Variants in SDHB observed in about 807,000 individuals in gnomAD.
SDHB encodes the protein succinate dehydrogenase [ubiquinone] iron-sulfur subunit, mitochondrial.
SDHB carries 21 observed loss-of-function variants against 39.7 expected under a neutral mutation model. The observed-to-expected ratio is 0.53, with a 90% CI of 0.37 to 0.76. SDHB has a LOEUF of 0.76. Ranked by LOEUF, SDHB falls within the 30% of genes least tolerant of loss-of-function variation. SDHB has a pLI of 0.00. For synonymous variants in SDHB, 118 were observed against 117.0 expected (o/e 1.01, Z -0.06); for missense variants, 343 against 350.9 (o/e 0.98, Z 0.18).
At chr1:17,050,643 G>A (rs1412020936) in intron 1 of SDHB, among the ~76,000 whole-genome samples, 2 of 142,852 alleles carry the variant, frequency 1.4e-5, no homozygotes, top group African/African-American at 5.0e-5. Flanking sequence ...CAACGTGAGC[G>A]TGACTCTGTC....
intron 3 of SDHB, among the ~76,000 whole-genome samples, chr1:17,031,030 C>T (rs1423987728): frequency 6.6e-6 from 1 of 151,638 alleles, no homozygotes; most frequent in Admixed American, 6.6e-5. Context: ...CTCAAGCTAG[C>T]CTACCACCTA....
intron 2 of SDHB, among the ~76,000 whole-genome samples, chr1:17,044,274 T>A (rs2078096291): frequency 6.6e-6 from 1 of 152,212 alleles, no homozygotes. Flanking sequence ...TTGTCATACT[T>A]TCATTTGGGA....
chr1:17,042,954 GTTTTTTTTTTTTTT>G (rs143394198), intron 2 of SDHB, among the ~76,000 whole-genome samples: 2 of 62,892 alleles, frequency 3.2e-5, no homozygotes, highest in East Asian at 5.9e-4. Flanking sequence ...TGTTTTATGA[GTTTTTTTTTTTTTT>G]TTTTTTTTTT....
At chr1:17,051,066 A>T (rs983920688) in intron 1 of SDHB, among the ~76,000 whole-genome samples, 2 of 152,244 alleles carry the variant, frequency 1.3e-5, no homozygotes, top group Non-Finnish European at 2.9e-5. Context: ...GAAAACGCAA[A>T]CATAAAACGC....
At chr1:17,049,419 A>C (rs572746110) in intron 1 of SDHB, among the ~76,000 whole-genome samples, 89 of 150,742 alleles carry the variant, frequency 5.9e-4, no homozygotes, top group African/African-American at 1.6e-3. Context: ...TGTCTCAGCC[A>C]CCCGGGTAGC....
chr1:17,045,546 C>A (rs1570958603), intron 1 of SDHB, among the ~76,000 whole-genome samples: 1 of 152,092 alleles, frequency 6.6e-6, no homozygotes, highest in East Asian at 1.9e-4. Context: ...CTGCAGTGAG[C>A]CAAGATCATG....
In SDHB at chr1:17,018,904, T is replaced by C. The variant is rs1273897502; in HGVS notation, c.820A>G (p.Lys274Glu). The C allele has an allele frequency of 2.5e-6, 4 of 1,612,746 alleles. No homozygotes were observed. In the African/African-American group the frequency reaches 4.0e-5, roughly 16 times the overall value. Residue 274 changes from lysine to glutamate, a missense_variant, in exon 8 of 8, where the codon AAG (lysine) becomes GAG (glutamate). Physicochemically the swap from Lys to Glu is moderately conservative, Grantham distance 56 (BLOSUM62 1). Coordinates refer to ENST00000375499, the MANE Select transcript of SDHB (RefSeq NM_003000.3). Reference protein sequence around the residue: ...AEIKKMMATYKEKKASV With the variant: ...AEIKKMMATYEEKKASV The stretch of plus-strand genomic sequence containing the variant: ...AGTTAAACTGAAGCTTTCTTCTCCT[T>C]ATAGGTTGCCATCATTTTCTTGATC...
At chr1:17,025,479 A>C (rs1473204550) in intron 5 of SDHB, among the ~76,000 whole-genome samples, 1 of 150,090 alleles carries the variant, frequency 6.7e-6, no homozygotes, top group East Asian at 2.0e-4. Context: ...GCACAATCAC[A>C]GTTCACTGCA....
chr1:17,020,071 G>A (rs1028305666), intron 7 of SDHB, among the ~76,000 whole-genome samples: 3 of 152,234 alleles, frequency 2.0e-5, no homozygotes, highest in African/African-American at 7.2e-5. Context: ...TTTGTGTGCA[G>A]CATAAAACAC....
chr1:17,039,829 TATA>T (rs1489831548), intron 2 of SDHB, among the ~76,000 whole-genome samples: 1 of 152,174 alleles, frequency 6.6e-6, no homozygotes, highest in Non-Finnish European at 1.5e-5. Flanking sequence ...CAGAATATAA[TATA>T]ATAACTTTGC....
Position 17,018,842 on chromosome 1 carries a change from C to T in SDHB, c.*39G>A, listed in dbSNP as rs764987243. On this transcript the variant is annotated 3_prime_UTR_variant, in exon 8 of 8. Coordinates refer to ENST00000375499, the MANE Select transcript of SDHB (RefSeq NM_003000.3). ...CAAATTAGATATAAATTATGTTCAG[C>T]TCTGAGCTGGTTATAAATCATGTTT... is the stretch of plus-strand genomic sequence containing the variant. 29 of 1,423,976 alleles carry T rather than the reference C, an allele frequency of 2.0e-5. 1 individual carries two copies. Among genetic ancestry groups the T allele is most frequent in the Non-Finnish European group, 2.1e-5 (21 of 1,007,454 alleles). The allele number at this position is 1,423,976 out of a possible 1,614,324, so 88.2% of individuals were successfully genotyped here.
intron 7 of SDHB, among the ~76,000 whole-genome samples, chr1:17,020,830 T>C (rs1014528165): frequency 6.6e-6 from 1 of 152,064 alleles, no homozygotes; most frequent in Non-Finnish European, 1.5e-5. Context: ...GCCCAGGCAA[T>C]AGGGAGCTGA....
chr1:17,035,204 T>A (rs1217559599), intron 2 of SDHB, among the ~76,000 whole-genome samples: 1 of 152,210 alleles, frequency 6.6e-6, no homozygotes, highest in Non-Finnish European at 1.5e-5. Flanking sequence ...TAAAGGTGGC[T>A]ATTCTTTCTT....
At chr1:17,041,420 AGCACTTT>A (rs2078079180) in intron 2 of SDHB, among the ~76,000 whole-genome samples, 2 of 152,196 alleles carry the variant, frequency 1.3e-5, no homozygotes, top group African/African-American at 2.4e-5. Context: ...CTGTAATCAC[AGCACTTT>A]GGGAGGCTGA....
chr1:17,047,249 G>A (rs758514825), intron 1 of SDHB, among the ~76,000 whole-genome samples: 3 of 151,926 alleles, frequency 2.0e-5, no homozygotes, highest in Non-Finnish European at 4.4e-5. Flanking sequence ...CCAGCTACTC[G>A]GGAGGCAGAG....
At chr1:17,042,007 C>T (rs1388075634) in intron 2 of SDHB, among the ~76,000 whole-genome samples, 1 of 152,012 alleles carries the variant, frequency 6.6e-6, no homozygotes, top group Non-Finnish European at 1.5e-5. Flanking sequence ...CTGCAACCTC[C>T]GCCTCCCATG....
intron 1 of SDHB, among the ~76,000 whole-genome samples, chr1:17,046,979 A>G (rs2078113441): frequency 6.6e-6 from 1 of 152,176 alleles, no homozygotes; most frequent in African/African-American, 2.4e-5. Context: ...GGCCTCCCAA[A>G]CTGCTAGGAT....
intron 2 of SDHB, among the ~76,000 whole-genome samples, chr1:17,039,942 C>T (rs527586187): frequency 2.0e-5 from 3 of 152,260 alleles, no homozygotes; most frequent in African/African-American, 7.2e-5. Context: ...GCCAAGTTTC[C>T]ACCTGGTATT....
intron 2 of SDHB, among the ~76,000 whole-genome samples, chr1:17,042,961 T>TTTTG (rs2078089638): frequency 8.4e-6 from 1 of 119,418 alleles, no homozygotes; most frequent in Non-Finnish European, 1.8e-5. Context: ...TGAGTTTTTT[T>TTTTG]TTTTTTTTTT....
Sources: gnomAD v4.1 joint callset for allele counts (sites outside exome capture counted in the v4.1 genomes callset) on GRCh38, gnomAD v4.1.1 for gene constraint, MANE v1.5 for transcripts, NCBI Gene and HGNC (gene_info 2026-07-23, HGNC 2026-07-21) for gene names.